TTYH2: variants seen among roughly 807,000 people sequenced by gnomAD.
The protein encoded by TTYH2 is tweety family member 2.
In TTYH2, 49 loss-of-function variants were observed where a neutral mutation model predicts 68.3. The ratio of observed to expected loss-of-function variants is 0.72; its 90% CI spans 0.57 to 0.91. The LOEUF is 0.91. Among genes scored for constraint, TTYH2 ranks in the 40% least tolerant of loss-of-function variants. TTYH2 has a pLI of 0.00. For synonymous variants in TTYH2, 272 were observed against 300.8 expected (o/e 0.90, Z 0.99); for missense variants, 631 against 700.4 (o/e 0.90, Z 1.12).
intron 6 of TTYH2, chr17:74,248,103 C>T (rs979968390): frequency 1.0e-4 from 19 of 188,558 alleles, no homozygotes; most frequent in Admixed American, 5.9e-4. Flanking sequence ...TGAAGGAGGA[C>T]GGGGCCACCG....
rs1286254883 is a variant in TTYH2, at chr17:74,253,106, G to T, written c.1285G>T (p.Asp429Tyr). 3.1e-6 allele frequency: 5 copies of T among 1,613,660 alleles called. No individual in the cohort carries two copies. The highest frequency in any genetic ancestry group is 2.7e-5 in the African/African-American group (2 of 74,908). ...TRNRDYDDIDDDDPFNPQAWR... is the reference protein window; with the variant it reads ...TRNRDYDDIDYDDPFNPQAWR... The stretch of plus-strand genomic sequence containing the variant: ...AAACAGAGACTACGATGACATTGAT[G>T]ATGATGACCCCTTTAACCCCCAAGC... Residue 429 changes from aspartate (D) to tyrosine (Y), a missense_variant, in exon 12 of 14, where the codon GAT becomes TAT. Transcript: ENST00000269346.
rs746229758 is a variant in TTYH2 at position 74,253,852 on chromosome 17, C to G, written c.1524+19C>G. Reference sequence around the variant, plus strand: ...GCCTACGGTAATTGGGGCTCTGGCCCTTCCTTGTTGGGGTAATACATAAAG... The same window carrying G: ...GCCTACGGTAATTGGGGCTCTGGCCGTTCCTTGTTGGGGTAATACATAAAG... On this transcript the variant is annotated intron_variant, in intron 13 of 13. Coordinates refer to ENST00000269346, the MANE Select transcript of TTYH2 (RefSeq NM_032646.6). The G allele has an allele frequency of 1.2e-6, 2 of 1,613,508 alleles. No individual in the cohort carries two copies. Among genetic ancestry groups the G allele is most frequent in the Non-Finnish European group, 1.7e-6 (2 of 1,179,518 alleles).
rs141906607 is a variant in TTYH2 at position 74,230,893 on chromosome 17, C to T, written c.308C>T (p.Ala103Val). The T allele has an allele frequency of 5.6e-6, 9 of 1,614,010 alleles. No individual in the cohort carries two copies. Among genetic ancestry groups the T allele is most frequent in the South Asian group, 3.3e-5 (3 of 91,070 alleles). ...AVVAGLICCA[A>V]VGVGFYGNSE... ...GTTTGGGATCTTGCTTATAGTGCTG[C>T]GGTGGGCGTTGGTTTCTATGGAAAC... The change falls in exon 3 of 14, where the codon GCG becomes GTG. Residue 103 changes from alanine (A) to valine (V), a missense_variant. Physicochemically the swap from Ala to Val is moderately conservative, Grantham distance 64 (BLOSUM62 0). Coordinates refer to ENST00000269346, the MANE Select transcript of TTYH2 (RefSeq NM_032646.6).
intron 1 of TTYH2, among the ~76,000 whole-genome samples, chr17:74,219,169 A>T (rs1224177591): frequency 6.6e-6 from 1 of 151,448 alleles, no homozygotes. Context: ...GTCAGCCGAG[A>T]TCACGCTGCT....
In TTYH2 at chr17:74,215,472, C is replaced by T; in HGVS notation, c.129+1756C>T. On this transcript the variant is annotated intron_variant, in intron 1 of 13. Transcript: ENST00000269346. This position sits in a 1 kb window ranked among gnomAD's most constrained non-coding sequence, Gnocchi z 4.3. ...TTGAGCCAGATGAACCTACCTCCAGCCTCTGCCCCTCCTCCCAGGATTCTG... is the reference window on the plus strand; with the variant it reads ...TTGAGCCAGATGAACCTACCTCCAGTCTCTGCCCCTCCTCCCAGGATTCTG... The T allele has an allele frequency of 1.5e-6, 1 of 669,712 alleles. No individual in the cohort carries two copies. Among genetic ancestry groups the T allele is most frequent in the Non-Finnish European group, 2.5e-6 (1 of 398,058 alleles). 41.5% of individuals were successfully genotyped at this position (669,712 alleles called of 1,614,324 possible).
intron 1 of TTYH2, among the ~76,000 whole-genome samples, chr17:74,219,628 A>G (rs2050256683): frequency 6.6e-6 from 1 of 152,122 alleles, no homozygotes; most frequent in Non-Finnish European, 1.5e-5. Flanking sequence ...ACTCATGAGT[A>G]TCTCTGACTT....
At chr17:74,259,091 C>T (rs1190065612) in intron 13 of TTYH2, among the ~76,000 whole-genome samples, 2 of 152,156 alleles carry the variant, frequency 1.3e-5, no homozygotes, top group Non-Finnish European at 2.9e-5. Context: ...TAACTAAGTT[C>T]TGTCAGGCAC....
Position 74,252,296 on chromosome 17 carries a change from C to T in TTYH2, c.1179C>T (p.Gly393=), listed in dbSNP as rs1215294444. 6.2e-7 allele frequency: 1 copy of T among 1,613,912 alleles called. No individual in the cohort carries two copies. Among genetic ancestry groups the T allele is most frequent in the South Asian group, 1.1e-5 (1 of 91,084 alleles). ...GCCTCCAGGGCTTGCTGTACCTTGGCCTCTTCTCCTTCCTGGCCGCCCTCG... is the reference window on the plus strand; with the variant it reads ...GCCTCCAGGGCTTGCTGTACCTTGGTCTCTTCTCCTTCCTGGCCGCCCTCG... The part of the protein sequence containing the change: ...YDGLQGLLYL[G]LFSFLAALAF... Residue 393 remains glycine (G), a synonymous_variant, in exon 11 of 14, where the codon GGC becomes GGT. Coordinates refer to ENST00000269346, the MANE Select transcript of TTYH2 (RefSeq NM_032646.6).
intron 13 of TTYH2, among the ~76,000 whole-genome samples, chr17:74,255,114 A>C (rs1471863256): frequency 1.3e-5 from 2 of 152,256 alleles, no homozygotes; most frequent in African/African-American, 4.8e-5. Flanking sequence ...GAGACAAAGA[A>C]AGCTGTAAAC....
intron 13 of TTYH2, among the ~76,000 whole-genome samples, chr17:74,259,473 C>G (rs2050725956): frequency 6.6e-6 from 1 of 152,142 alleles, no homozygotes; most frequent in Admixed American, 6.5e-5. Flanking sequence ...CCTCTGTCTC[C>G]TAAAGTGCTG....
intron 11 of TTYH2, among the ~76,000 whole-genome samples, 196 bp from the exon 12 acceptor site, chr17:74,252,885 G>T (rs2050649775): frequency 6.6e-6 from 1 of 152,188 alleles, no homozygotes; most frequent in South Asian, 2.1e-4. Context: ...GAGCCTGGAA[G>T]AGCTGGTCGT....
In TTYH2 at chr17:74,247,378, G is replaced by A. The variant is rs187223131; in HGVS notation, c.805-1633G>A. Among the ~76,000 whole-genome samples, 9 of 152,184 alleles carry A rather than the reference G, an allele frequency of 5.9e-5. No homozygotes were observed. In the East Asian group the frequency reaches 7.7e-4, roughly 13 times the overall value. ...GGGCATCACACACATACATGCACAC[G>A]CACACAGGTGCTTGTCTTCATTAAT... On this transcript the variant is annotated intron_variant, in intron 6 of 13. Coordinates refer to ENST00000269346, the MANE Select transcript of TTYH2 (RefSeq NM_032646.6).
intron 1 of TTYH2, among the ~76,000 whole-genome samples, chr17:74,218,156 G>A (rs2050239242): frequency 6.7e-6 from 1 of 148,956 alleles, no homozygotes; most frequent in Admixed American, 6.7e-5. Context: ...AGCTGGCCCT[G>A]GAAGAGGGTG....
intron 2 of TTYH2, among the ~76,000 whole-genome samples, chr17:74,228,637 C>A (rs1392652969): frequency 6.6e-6 from 1 of 151,932 alleles, no homozygotes; most frequent in Non-Finnish European, 1.5e-5. Context: ...GGAGGAGAGA[C>A]TGGGCTTAAC....
At chr17:74,219,403 A>AAAAAAAAAAAAAAAAAAAAAAAAAAG (rs1241503126) in intron 1 of TTYH2, among the ~76,000 whole-genome samples, 28 of 149,642 alleles carry the variant, frequency 1.9e-4, no homozygotes, top group African/African-American at 6.6e-4. Flanking sequence ...AAAAAAAAAA[A>AAAAAAAAAAAAAAAAAAAAAAAAAAG]GAATAACTTA....
At position 74,217,970 on chromosome 17, in the gene TTYH2, C is replaced by T. The variant is rs958611942; in HGVS notation, c.129+4254C>T. 3.3e-5 allele frequency among the ~76,000 whole-genome samples: 5 copies of T among 151,808 alleles called. No homozygotes were observed. The highest frequency in any genetic ancestry group is 2.6e-4 in the Admixed American group (4 of 15,248). On this transcript the variant is annotated intron_variant, in intron 1 of 13. Transcript: ENST00000269346. This position sits in a 1 kb window ranked among gnomAD's most constrained non-coding sequence, Gnocchi z 4.0. ...GGTGGCTGCAGGGCACAGTGGGAGG[C>T]GTGGGGAGGCGTGGGAAATTGTCTT... is the stretch of plus-strand genomic sequence containing the variant.
intron 4 of TTYH2, 108 bp downstream of exon 4, chr17:74,237,622 T>A (rs897478826): frequency 2.1e-4 from 100 of 473,466 alleles, no homozygotes; most frequent in East Asian, 1.0e-3. Flanking sequence ...CTGGAAAGTA[T>A]TTTTTTTTTG....
At chr17:74,247,106 C>T (rs552749910) in intron 6 of TTYH2, among the ~76,000 whole-genome samples, 7 of 149,786 alleles carry the variant, frequency 4.7e-5, no homozygotes, top group East Asian at 3.9e-4. Flanking sequence ...TGCTTGAACC[C>T]GGGAGGTGGA....
chr17:74,256,859 G>A (rs948702589), intron 13 of TTYH2: 1 of 152,246 alleles, frequency 6.6e-6, no homozygotes, highest in Non-Finnish European at 1.5e-5. Flanking sequence ...ATGCAGGCCA[G>A]GCTAGTCTCT....
Sources: allele counts gnomAD v4.1 joint callset (sites outside exome capture counted in the v4.1 genomes callset), GRCh38; gene constraint gnomAD v4.1.1; non-coding constraint Gnocchi (gnomAD v3.1); transcripts MANE v1.5; gene names NCBI Gene and HGNC (gene_info 2026-07-23, HGNC 2026-07-21).